KCNJ6: variants seen among roughly 807,000 people sequenced by gnomAD.
KCNJ6 encodes potassium inwardly rectifying channel subfamily J member 6.
In KCNJ6, 9 loss-of-function variants were observed where a neutral mutation model predicts 34.2. The observed-to-expected ratio is 0.26, with a 90% CI of 0.16 to 0.46. KCNJ6 has a LOEUF of 0.46. Among genes scored for constraint, KCNJ6 ranks in the 20% least tolerant of loss-of-function variants. The pLI is 1.00. For synonymous variants in KCNJ6, 196 were observed against 207.1 expected, an observed-to-expected ratio of 0.95 and a Z score of 0.46; for missense variants, 236 against 531.3, an observed-to-expected ratio of 0.44 and a Z score of 5.46.
intron 2 of KCNJ6, among the ~76,000 whole-genome samples, chr21:37,786,644 G>A (rs937109107): frequency 1.3e-5 from 2 of 152,200 alleles, no homozygotes; most frequent in Non-Finnish European, 2.9e-5. Context: ...CCTGGCTAAG[G>A]CCACCTGTTG....
At chr21:37,628,860 T>C (rs1416991558) in intron 3 of KCNJ6, among the ~76,000 whole-genome samples, 1 of 152,074 alleles carries the variant, frequency 6.6e-6, no homozygotes, top group Non-Finnish European at 1.5e-5. Flanking sequence ...TTAGAAACCA[T>C]GGAAGCCAGA....
At chr21:37,625,784 C>T (rs190297901) in intron 3 of KCNJ6, among the ~76,000 whole-genome samples, 1 of 152,342 alleles carries the variant, frequency 6.6e-6, no homozygotes, top group East Asian at 1.9e-4. Context: ...CAAGTTTTCG[C>T]ATGTGCATGG....
chr21:37,759,301 C>T (rs2055048135), intron 2 of KCNJ6, among the ~76,000 whole-genome samples: 1 of 152,186 alleles, frequency 6.6e-6, no homozygotes, highest in Non-Finnish European at 1.5e-5. Context: ...TCTTCTTGTT[C>T]CCAGACACAC....
chr21:37,729,386 C>T (rs776532002), intron 2 of KCNJ6, among the ~76,000 whole-genome samples: 3 of 151,768 alleles, frequency 2.0e-5, no homozygotes, highest in Non-Finnish European at 4.4e-5. Flanking sequence ...TGCAGTGGTG[C>T]GATCACAGCT....
intron 1 of KCNJ6, among the ~76,000 whole-genome samples, chr21:37,909,301 G>A (rs1327054924): frequency 6.6e-6 from 1 of 151,908 alleles, no homozygotes; most frequent in Non-Finnish European, 1.5e-5. Flanking sequence ...ATGCCACATT[G>A]CAATAAATGA....
intron 3 of KCNJ6, among the ~76,000 whole-genome samples, chr21:37,654,430 G>A (rs2054448389): frequency 6.9e-6 from 1 of 144,536 alleles, no homozygotes; most frequent in Non-Finnish European, 1.5e-5. Context: ...AAAAAAAAAT[G>A]TTTTGGCATT....
intron 3 of KCNJ6, among the ~76,000 whole-genome samples, chr21:37,663,818 C>T (rs983399830): frequency 6.6e-6 from 1 of 152,122 alleles, no homozygotes; most frequent in Admixed American, 6.5e-5. Flanking sequence ...AATTAATAGA[C>T]AAAAATCAGT....
intron 1 of KCNJ6, among the ~76,000 whole-genome samples, chr21:37,884,810 A>C (rs2055727144): frequency 6.6e-6 from 1 of 152,168 alleles, no homozygotes; most frequent in Non-Finnish European, 1.5e-5. Context: ...TGCTTAAACC[A>C]AGCTAGGCTA....
chr21:37,841,735 A>G (rs1275057348), intron 1 of KCNJ6, among the ~76,000 whole-genome samples: 1 of 152,230 alleles, frequency 6.6e-6, no homozygotes, highest in African/African-American at 2.4e-5. Flanking sequence ...TATGCCAATA[A>G]AGGTAGAATA....
Position 37,621,397 on chromosome 21 carries a change from G to A in KCNJ6, c.*3762C>T, listed in dbSNP as rs2054289469. The A allele has an allele frequency of 6.6e-6, 1 of 152,088 alleles. No homozygotes were observed. The highest frequency in any genetic ancestry group is 1.5e-5 in the Non-Finnish European group (1 of 68,022). The allele number at this position is 152,088 out of a possible 1,614,324, so 9.4% of individuals were successfully genotyped here. On this transcript the variant is annotated 3_prime_UTR_variant, in exon 4 of 4. Transcript: ENST00000609713. ...CCACCAGTTCCCACCTTTGTAAGCA[G>A]TTTCTAAATATCCCAAAGACACTGG...
At chr21:37,810,071 T>C (rs2055314990) in intron 2 of KCNJ6, among the ~76,000 whole-genome samples, 1 of 152,160 alleles carries the variant, frequency 6.6e-6, no homozygotes, top group Non-Finnish European at 1.5e-5. Context: ...CCACCAGAAA[T>C]AACAATGTAA....
intron 2 of KCNJ6, among the ~76,000 whole-genome samples, chr21:37,818,222 G>A (rs1187888019): frequency 7.2e-6 from 1 of 139,512 alleles, no homozygotes; most frequent in African/African-American, 2.7e-5. Flanking sequence ...GTGTGTGTGT[G>A]TGTGTGTGTG....
chr21:37,854,241 A>G (rs2055553230), intron 1 of KCNJ6, among the ~76,000 whole-genome samples: 1 of 152,108 alleles, frequency 6.6e-6, no homozygotes, highest in African/African-American at 2.4e-5. Context: ...AAGATGGAAA[A>G]AGATGTACCA....
intron 3 of KCNJ6, among the ~76,000 whole-genome samples, chr21:37,694,583 G>A (rs528044743): frequency 7.9e-5 from 12 of 152,244 alleles, no homozygotes; most frequent in East Asian, 3.9e-4. Flanking sequence ...GCGGTGTGTC[G>A]GGGAACTTAT....
chr21:37,898,730 T>C (rs1267872160), intron 1 of KCNJ6, among the ~76,000 whole-genome samples: 1 of 152,242 alleles, frequency 6.6e-6, no homozygotes, highest in Non-Finnish European at 1.5e-5. Flanking sequence ...ATAAGACATC[T>C]TCCCTTTCAG....
intron 3 of KCNJ6, among the ~76,000 whole-genome samples, chr21:37,684,821 A>G (rs2054606138): frequency 1.3e-5 from 2 of 152,220 alleles, no homozygotes. Flanking sequence ...AAACTGTTGA[A>G]AGCACTATGA....
intron 2 of KCNJ6, among the ~76,000 whole-genome samples, chr21:37,795,097 G>A (rs753530470): frequency 4.6e-5 from 7 of 152,100 alleles, no homozygotes; most frequent in Non-Finnish European, 7.3e-5. Context: ...TTAGTTTAAT[G>A]TATATTCATA....
intron 3 of KCNJ6, among the ~76,000 whole-genome samples, chr21:37,696,585 G>A (rs1234460945): frequency 6.6e-6 from 1 of 152,072 alleles, no homozygotes; most frequent in Non-Finnish European, 1.5e-5. Flanking sequence ...TGACAACAAA[G>A]TACGACCTGG....
intron 1 of KCNJ6, among the ~76,000 whole-genome samples, chr21:37,853,680 A>G (rs1003735732): frequency 5.9e-5 from 9 of 151,894 alleles, no homozygotes; most frequent in Non-Finnish European, 1.3e-4. Context: ...TGAAGCACAC[A>G]TTATAGCATG....
Sources: gnomAD v4.1 joint callset for allele counts (sites outside exome capture counted in the v4.1 genomes callset) on GRCh38, gnomAD v4.1.1 for gene constraint, MANE v1.5 for transcripts, NCBI Gene and HGNC (gene_info 2026-07-23, HGNC 2026-07-21) for gene names.